Variants in DCAF5 observed in about 807,000 individuals in gnomAD.
DCAF5 encodes DDB1 and CUL4 associated factor 5.
A neutral mutation model predicts 80.7 loss-of-function variants in DCAF5; 9 were observed. That is an observed-to-expected ratio of 0.11 (90% CI 0.07 to 0.19). The LOEUF (loss-of-function observed/expected upper bound fraction) is 0.19, where lower values mean the gene tolerates loss of function less well. Among genes scored for constraint, DCAF5 ranks in the 10% least tolerant of loss-of-function variants. The probability of loss-of-function intolerance (pLI) is 1.00; values close to 1 mark genes in which losing one functional copy is unlikely to be tolerated. For missense variants in DCAF5, 842 were observed against 1,205.7 expected, an observed-to-expected ratio of 0.70 and a Z score of 4.47; for synonymous variants, 433 against 461.9, an observed-to-expected ratio of 0.94 and a Z score of 0.80.
intron 6 of DCAF5, chr14:69,089,271 T>C (rs540028733): frequency 6.6e-6 from 1 of 152,558 alleles, no homozygotes; most frequent in South Asian, 2.1e-4. Context: ...CAATGATGAA[T>C]TAGCTACATT....
chr14:69,057,862 G>A (rs1594924500), intron 8 of DCAF5, among the ~76,000 whole-genome samples: 1 of 152,152 alleles, frequency 6.6e-6, no homozygotes, highest in East Asian at 1.9e-4. Context: ...CAGCACTTCA[G>A]CAGTAAGGGG....
At chr14:69,145,667 AT>A (rs34357294) in intron 1 of DCAF5, among the ~76,000 whole-genome samples, 57,778 of 151,942 alleles carry the variant, frequency 0.38, 12,215 homozygotes, top group East Asian at 0.91. Context: ...TTATAAGAAT[AT>A]TTTTTTAAAC....
In DCAF5 at chr14:69,071,046, C is replaced by G. The variant is rs376502523; in HGVS notation, c.946+4299G>C. Reference sequence around the variant, plus strand: ...CTCCTGACTTCAAGTGATCTGCCCCCCTCAGCCTCCCAAAGTGCCGGGATT... The same window carrying G: ...CTCCTGACTTCAAGTGATCTGCCCCGCTCAGCCTCCCAAAGTGCCGGGATT... On this transcript the variant is annotated intron_variant, in intron 7 of 8. Transcript: ENST00000341516. 4.6e-5 allele frequency among the ~76,000 whole-genome samples: 7 copies of G among 152,250 alleles called. No individual in the cohort carries two copies. The East Asian group carries it at 9.7e-4, about 21-fold the overall frequency.
In DCAF5 at chr14:69,152,705, C is replaced by A. The variant is rs1483641773; in HGVS notation, c.214+60G>T. ...GCAGGAGGAGGGTGACGGGGGAGAGCGAGAGGGGGAGGCTGGGAGGGTGCG... is the reference window on the plus strand; with the variant it reads ...GCAGGAGGAGGGTGACGGGGGAGAGAGAGAGGGGGAGGCTGGGAGGGTGCG... On this transcript the variant is annotated intron_variant, in intron 1 of 8. Coordinates refer to ENST00000341516, the MANE Select transcript of DCAF5 (RefSeq NM_003861.3). The surrounding 1 kb of genome is among the most constrained non-coding windows in gnomAD (Gnocchi z 4.1). 1.5e-5 allele frequency: 19 copies of A among 1,258,706 alleles called. No homozygotes were observed. The Admixed American group carries it at 3.8e-4, about 25-fold the overall frequency. 78.0% of individuals were successfully genotyped at this position (1,258,706 alleles called of 1,614,324 possible). A position where few individuals can be genotyped will look rare whatever the true frequency, so the allele number is the denominator to read the frequency against.
intron 8 of DCAF5, among the ~76,000 whole-genome samples, chr14:69,060,187 C>A (rs141889339): frequency 1.3e-5 from 2 of 152,178 alleles, no homozygotes; most frequent in East Asian, 3.9e-4. Context: ...AGGGACTGGG[C>A]CATTTCAATG....
At chr14:69,098,504 A>G (rs1396430938) in intron 5 of DCAF5, among the ~76,000 whole-genome samples, 1 of 152,082 alleles carries the variant, frequency 6.6e-6, no homozygotes, top group African/African-American at 2.4e-5. Flanking sequence ...GGTGTATCCC[A>G]TGCTTAAACG....
intron 1 of DCAF5, among the ~76,000 whole-genome samples, chr14:69,144,825 C>G (rs995549532): frequency 5.9e-5 from 9 of 152,148 alleles, no homozygotes; most frequent in African/African-American, 2.2e-4. Context: ...CAGCACCTGC[C>G]TGGGAGCAAT....
At chr14:69,056,995 T>G (rs772111707) in intron 8 of DCAF5, among the ~76,000 whole-genome samples, 28 of 152,190 alleles carry the variant, frequency 1.8e-4, no homozygotes, top group Non-Finnish European at 2.6e-4. Flanking sequence ...TTCAAGGGAT[T>G]GGTTTTCACT....
At chr14:69,129,907 C>CAACT (rs2040989721) in intron 1 of DCAF5, among the ~76,000 whole-genome samples, 1 of 152,212 alleles carries the variant, frequency 6.6e-6, no homozygotes, top group African/African-American at 2.4e-5. Flanking sequence ...CAAGAAAATA[C>CAACT]AACTACATAC....
intron 6 of DCAF5, chr14:69,090,200 GA>G (rs1304230897): frequency 1.0e-5 from 7 of 697,964 alleles, no homozygotes; most frequent in African/African-American, 1.9e-5. Context: ...GAGAGGGAGA[GA>G]CTTGATTGTC....
chr14:69,067,495 C>T (rs1328989094), intron 7 of DCAF5, among the ~76,000 whole-genome samples: 1 of 151,894 alleles, frequency 6.6e-6, no homozygotes, highest in African/African-American at 2.4e-5. Flanking sequence ...AGGGACATGG[C>T]ACCACACCTG....
intron 5 of DCAF5, among the ~76,000 whole-genome samples, chr14:69,097,586 T>TA (rs1566751170): frequency 1.2e-3 from 139 of 117,752 alleles, no homozygotes; most frequent in East Asian, 1.7e-3. Context: ...ATTATTATTT[T>TA]TTTTTTTTTT....
intron 1 of DCAF5, chr14:69,143,980 T>C (rs2041456460): frequency 6.6e-6 from 1 of 152,390 alleles, no homozygotes; most frequent in Non-Finnish European, 1.5e-5. Context: ...TAACCACAAA[T>C]AATGAATTCT....
chr14:69,083,446 A>C, intron 6 of DCAF5: 1 of 322,274 alleles, frequency 3.1e-6, no homozygotes, highest in Admixed American at 3.7e-5. Context: ...CAAGAAGTGG[A>C]ACCTCAAACT....
intron 7 of DCAF5, 122 bp downstream of exon 7, chr14:69,075,223 G>T: frequency 1.6e-6 from 1 of 609,264 alleles, no homozygotes. Flanking sequence ...AATTTCCTTT[G>T]GTCACAGCTT....
chr14:69,152,698 G>C lies in DCAF5; in HGVS notation c.214+67C>G, dbSNP rs2041745923. 8.0e-7 allele frequency: 1 copy of C among 1,242,946 alleles called. No homozygotes were observed. Among genetic ancestry groups the C allele is most frequent in the Non-Finnish European group, 1.1e-6 (1 of 885,950 alleles). The allele number at this position is 1,242,946 out of a possible 1,614,324, so 77.0% of individuals were successfully genotyped here. On this transcript the variant is annotated intron_variant, in intron 1 of 8. Coordinates refer to ENST00000341516, the MANE Select transcript of DCAF5 (RefSeq NM_003861.3). This position sits in a 1 kb window ranked among gnomAD's most constrained non-coding sequence, Gnocchi z 4.1. ...ACAGAGGGCAGGAGGAGGGTGACGG[G>C]GGAGAGCGAGAGGGGGAGGCTGGGA...
In DCAF5 at chr14:69,096,418, A is replaced by C. The variant is rs541690722; in HGVS notation, c.666-4531T>G. Among the ~76,000 whole-genome samples, 18 of 152,248 alleles carry C rather than the reference A, an allele frequency of 1.2e-4. No individual in the cohort carries two copies. The South Asian group carries it at 3.7e-3, about 31-fold the overall frequency. On this transcript the variant is annotated intron_variant, in intron 5 of 8. Transcript: ENST00000341516. ...CTTGATATACAGATGAATTCAGTAT[A>C]CTTTTTGAATCTCCATAAATTTAAG...
chr14:69,116,512 T>G lies in DCAF5; in HGVS notation c.536-17A>C. 6.2e-7 allele frequency: 1 copy of G among 1,611,044 alleles called. No individual in the cohort carries two copies. The highest frequency in any genetic ancestry group is 1.7e-4 in the Middle Eastern group (1 of 5,894). On this transcript the variant is annotated splice_polypyrimidine_tract_variant and intron_variant, in intron 4 of 8. Transcript: ENST00000341516. ...AGAAGGGCTCTGTGGAAAGAAAAAT[T>G]ATAATCAGTTCACTCCAGGTACCTG...
chr14:69,064,562 G>A (rs191640345), intron 7 of DCAF5, among the ~76,000 whole-genome samples: 1 of 152,326 alleles, frequency 6.6e-6, no homozygotes, highest in Admixed American at 6.5e-5. Flanking sequence ...GAAGATGGAA[G>A]AGTTTGAATA....
Sources: gnomAD v4.1 joint callset for allele counts (sites outside exome capture counted in the v4.1 genomes callset) on GRCh38, gnomAD v4.1.1 for gene constraint, Gnocchi (gnomAD v3.1) non-coding constraint, MANE v1.5 for transcripts, NCBI Gene and HGNC (gene_info 2026-07-23, HGNC 2026-07-21) for gene names.